KSR2: variants seen among roughly 807,000 people sequenced by gnomAD.
KSR2 encodes the protein kinase suppressor of ras 2.
A neutral mutation model predicts 107.8 loss-of-function variants in KSR2; 25 were observed. The observed-to-expected ratio is 0.23, with a 90% CI of 0.17 to 0.32. KSR2 has a LOEUF of 0.32. Ranked by LOEUF, KSR2 falls within the 10% of genes least tolerant of loss-of-function variation. The pLI, the probability that KSR2 is intolerant of heterozygous loss-of-function variation, is 1.00. For missense variants in KSR2, 887 were observed against 1,268.9 expected, an observed-to-expected ratio of 0.70 and a Z score of 4.57; for synonymous variants, 480 against 507.0, an observed-to-expected ratio of 0.95 and a Z score of 0.71.
chr12:117,805,641 G>A (rs1002102449), intron 3 of KSR2, among the ~76,000 whole-genome samples: 1 of 152,110 alleles, frequency 6.6e-6, no homozygotes, highest in African/African-American at 2.4e-5. Flanking sequence ...GGCTAAGTGT[G>A]GTCCCCTAAC....
rs1373862407 is a variant in KSR2, at chr12:117,454,278, G to A, written c.*12921C>T. On this transcript the variant is annotated 3_prime_UTR_variant, in exon 20 of 20. Coordinates refer to ENST00000339824, the MANE Select transcript of KSR2 (RefSeq NM_173598.6). ...TTGCACAAAGCTAAGAAAATTCAAG[G>A]AATACTCTGGAGGGGCTGCTGATGC... 1 of 152,154 alleles carries A rather than the reference G, an allele frequency of 6.6e-6. No individual in the cohort carries two copies. The highest frequency in any genetic ancestry group is 1.9e-4 in the East Asian group (1 of 5,194). 9.4% of individuals were successfully genotyped at this position (152,154 alleles called of 1,614,324 possible). A position where few individuals can be genotyped will look rare whatever the true frequency, so the allele number is the denominator to read the frequency against.
chr12:117,678,278 A>G (rs978900865), intron 4 of KSR2, among the ~76,000 whole-genome samples: 30 of 152,042 alleles, frequency 2.0e-4, no homozygotes, highest in African/African-American at 7.0e-4. Context: ...CAATTTGTCC[A>G]GATCCGGAGC....
At chr12:117,720,629 T>C (rs1015303132) in intron 4 of KSR2, among the ~76,000 whole-genome samples, 2 of 152,230 alleles carry the variant, frequency 1.3e-5, no homozygotes, top group Non-Finnish European at 2.9e-5. Context: ...GCTCCACCCT[T>C]TGGTCTTAAC....
chr12:117,886,646 C>T (rs540357777), intron 1 of KSR2, among the ~76,000 whole-genome samples: 1 of 152,210 alleles, frequency 6.6e-6, no homozygotes, highest in South Asian at 2.1e-4. Context: ...TTTCTCAGAA[C>T]GTATCCCCGT....
rs182295410 is a variant in KSR2, at chr12:117,712,172, C to T, written c.987-44514G>A. Among the ~76,000 whole-genome samples the T allele has an allele frequency of 1.1e-3, 175 of 152,300 alleles. 1 individual carries two copies. Among genetic ancestry groups the T allele is most frequent in the African/African-American group, 4.0e-3 (168 of 41,568 alleles). On this transcript the variant is annotated intron_variant, in intron 4 of 19. Transcript: ENST00000339824. Reference sequence around the variant, plus strand: ...CAAGAAGTGGCAGGTGAGGTAGAAACCCAAGGTGTGGCCTCATTCCTTATT... The same window carrying T: ...CAAGAAGTGGCAGGTGAGGTAGAAATCCAAGGTGTGGCCTCATTCCTTATT...
chr12:117,885,098 C>T (rs17586074), intron 1 of KSR2, among the ~76,000 whole-genome samples: 10,280 of 152,236 alleles, frequency 0.068, 460 homozygotes, highest in South Asian at 0.21. Flanking sequence ...GGACACACAA[C>T]AGCCCTGTTG....
intron 1 of KSR2, among the ~76,000 whole-genome samples, chr12:117,902,486 ACT>A (rs1486386557): frequency 1.6e-5 from 2 of 128,452 alleles, no homozygotes; most frequent in Non-Finnish European, 3.2e-5. Flanking sequence ...ACAGAGTGAG[ACT>A]CTGTCTTAAA....
At chr12:117,603,683 AAAT>A (rs755753587) in intron 5 of KSR2, among the ~76,000 whole-genome samples, 5 of 152,220 alleles carry the variant, frequency 3.3e-5, no homozygotes, top group Non-Finnish European at 7.3e-5. Context: ...GCAAAATGAG[AAAT>A]AAAAAGAAAA....
chr12:117,927,772 T>A (rs7136762), intron 1 of KSR2, among the ~76,000 whole-genome samples: 4 of 152,088 alleles, frequency 2.6e-5, no homozygotes, highest in Non-Finnish European at 5.9e-5. Flanking sequence ...GTCATCAATG[T>A]GTACTCGTAT....
chr12:117,909,058 T>A (rs991434250), intron 1 of KSR2, among the ~76,000 whole-genome samples: 2 of 152,160 alleles, frequency 1.3e-5, no homozygotes, highest in Non-Finnish European at 2.9e-5. Flanking sequence ...AACTTAGTTT[T>A]TATTCCCAAG....
chr12:117,586,623 GAAAGAA>G (rs1232746566), intron 5 of KSR2, among the ~76,000 whole-genome samples: 5 of 73,974 alleles, frequency 6.8e-5, no homozygotes, highest in Non-Finnish European at 1.0e-4. Flanking sequence ...AAAGAAAAAA[GAAAGAA>G]AAAGAAAGAA....
intron 5 of KSR2, among the ~76,000 whole-genome samples, chr12:117,632,212 C>T (rs1342624914): frequency 7.1e-6 from 1 of 140,890 alleles, no homozygotes; most frequent in Admixed American, 7.9e-5. Context: ...GGCTCTAGTC[C>T]TACTCCTTTT....
chr12:117,551,696 G>A lies in KSR2; in HGVS notation c.1518+3473C>T, dbSNP rs998828017. On this transcript the variant is annotated intron_variant, in intron 9 of 19. Coordinates refer to ENST00000339824, the MANE Select transcript of KSR2 (RefSeq NM_173598.6). ...GACCAAATTGGCTCAGAAATGTATT[G>A]CACTAACCACATCATTGCCTGACAA... 2.0e-5 allele frequency among the ~76,000 whole-genome samples: 3 copies of A among 152,166 alleles called. No homozygotes were observed. In the East Asian group the frequency reaches 5.8e-4, roughly 29 times the overall value.
chr12:117,940,561 T>A (rs1208863712), intron 1 of KSR2, among the ~76,000 whole-genome samples: 2 of 152,204 alleles, frequency 1.3e-5, no homozygotes, highest in East Asian at 3.8e-4. Context: ...TGTACTGCAG[T>A]GTTCACAAAC....
chr12:117,900,542 C>A (rs1408987702), intron 1 of KSR2, among the ~76,000 whole-genome samples: 1 of 152,062 alleles, frequency 6.6e-6, no homozygotes, highest in Non-Finnish European at 1.5e-5. Context: ...GTGTGCCAGG[C>A]ACAGTGCTAG....
chr12:117,697,196 G>A (rs990136761), intron 4 of KSR2, among the ~76,000 whole-genome samples: 9 of 152,142 alleles, frequency 5.9e-5, no homozygotes, highest in African/African-American at 2.2e-4. Flanking sequence ...AATAATATGA[G>A]CTCTTTATTT....
At chr12:117,707,585 G>A (rs1169099011) in intron 4 of KSR2, among the ~76,000 whole-genome samples, 1 of 152,120 alleles carries the variant, frequency 6.6e-6, no homozygotes, top group Non-Finnish European at 1.5e-5. Context: ...TGGGATATGA[G>A]GAATAAGAGT....
chr12:117,486,237 G>T (rs568529686), intron 14 of KSR2, among the ~76,000 whole-genome samples: 3 of 152,224 alleles, frequency 2.0e-5, no homozygotes, highest in African/African-American at 7.2e-5. Context: ...TCTAGATAAA[G>T]AGTTTTTCAA....
rs184474880 is a variant in KSR2 at position 117,817,052 on chromosome 12, T to C, written c.472+38376A>G. On this transcript the variant is annotated intron_variant, in intron 3 of 19. Transcript: ENST00000339824. Reference sequence around the variant, plus strand: ...AAAGATGAACAGCTGGATGGCTGCATTTCTGTTTGCAATGACCAGGCCAGG... The same window carrying C: ...AAAGATGAACAGCTGGATGGCTGCACTTCTGTTTGCAATGACCAGGCCAGG... Among the ~76,000 whole-genome samples, 765 of 151,752 alleles carry C rather than the reference T, an allele frequency of 5.0e-3. 21 individuals carry two copies. The East Asian group carries it at 0.092, about 18-fold the overall frequency.
Sources: allele counts gnomAD v4.1 joint callset (sites outside exome capture counted in the v4.1 genomes callset), GRCh38; gene constraint gnomAD v4.1.1; transcripts MANE v1.5; gene names NCBI Gene and HGNC (gene_info 2026-07-23, HGNC 2026-07-21).